The following ADAMTSL1 variants were observed in gnomAD, a reference collection of about 807,000 sequenced individuals.
ADAMTSL1 encodes the protein ADAMTS like 1.
ADAMTSL1 carries 126 observed loss-of-function variants against 201.8 expected under a neutral mutation model. The ratio of observed to expected loss-of-function variants is 0.62; its 90% confidence interval spans 0.54 to 0.72. The LOEUF is 0.72. Among genes scored for constraint, ADAMTSL1 ranks in the 30% least tolerant of loss-of-function variants. ADAMTSL1 has a pLI of 0.00. For missense variants in ADAMTSL1, 2,679 were observed against 2,277.8 expected, an observed-to-expected ratio of 1.18 and a Z score of -3.59; for synonymous variants, 1,121 against 903.4, an observed-to-expected ratio of 1.24 and a Z score of -4.32.
intron 2 of ADAMTSL1, among the ~76,000 whole-genome samples, chr9:18,231,261 C>T (rs1479132450): frequency 6.6e-6 from 1 of 152,144 alleles, no homozygotes; most frequent in Non-Finnish European, 1.5e-5. Flanking sequence ...ATTTCTGCTC[C>T]TCCCTATCTC....
intron 4 of ADAMTSL1, among the ~76,000 whole-genome samples, chr9:18,611,748 CA>C (rs1349847547): frequency 1.3e-5 from 2 of 152,126 alleles, no homozygotes; most frequent in African/African-American, 4.8e-5. Flanking sequence ...CATCTTAGCT[CA>C]AATAATAAAG....
chr9:18,523,325 T>C (rs1380258010), intron 2 of ADAMTSL1, among the ~76,000 whole-genome samples: 2 of 152,228 alleles, frequency 1.3e-5, no homozygotes, highest in Non-Finnish European at 2.9e-5. Flanking sequence ...GAATTCTTTT[T>C]AGATTGTGGA....
intron 5 of ADAMTSL1, among the ~76,000 whole-genome samples, chr9:18,633,842 A>T (rs1348990413): frequency 6.6e-6 from 1 of 152,112 alleles, no homozygotes; most frequent in African/African-American, 2.4e-5. Context: ...AATTGGGAGC[A>T]TATGATTCTT....
chr9:18,404,006 G>A (rs1411089411), intron 2 of ADAMTSL1, among the ~76,000 whole-genome samples: 1 of 151,916 alleles, frequency 6.6e-6, no homozygotes, highest in African/African-American at 2.4e-5. Flanking sequence ...TCAATAGAAA[G>A]GAATAATGAT....
At chr9:18,549,164 T>G (rs539377789) in intron 3 of ADAMTSL1, among the ~76,000 whole-genome samples, 1 of 151,798 alleles carries the variant, frequency 6.6e-6, no homozygotes, top group Admixed American at 6.6e-5. Flanking sequence ...ACCAGACATA[T>G]CATGGTCAAA....
At chr9:18,352,918 G>T (rs1325017015) in intron 2 of ADAMTSL1, among the ~76,000 whole-genome samples, 1 of 152,146 alleles carries the variant, frequency 6.6e-6, no homozygotes, top group Non-Finnish European at 1.5e-5. Context: ...ACATGTATTT[G>T]GTAGTCCATG....
chr9:18,487,430 C>T (rs1368538157), intron 1 of ADAMTSL1, among the ~76,000 whole-genome samples: 2 of 152,158 alleles, frequency 1.3e-5, no homozygotes, highest in Non-Finnish European at 2.9e-5. Flanking sequence ...TGTTTTAAAT[C>T]ACATGGTCCT....
At chr9:18,886,854 CATCATCTCCTGCCTTGCATCTG>C (rs1049459928) in intron 23 of ADAMTSL1, among the ~76,000 whole-genome samples, 1 of 152,228 alleles carries the variant, frequency 6.6e-6, no homozygotes, top group African/African-American at 2.4e-5. Flanking sequence ...TCTCGTATCT[CATCATCTCCTGCCTTGCATCTG>C]CAGTTTTATG....
intron 2 of ADAMTSL1, among the ~76,000 whole-genome samples, chr9:18,408,017 A>G (rs578114981): frequency 2.9e-4 from 44 of 152,372 alleles, no homozygotes; most frequent in Admixed American, 2.4e-3. Flanking sequence ...TACATAATTT[A>G]GAAAATTTTG....
chr9:18,441,560 C>T (rs1482566776), intron 2 of ADAMTSL1, among the ~76,000 whole-genome samples: 1 of 152,020 alleles, frequency 6.6e-6, no homozygotes, highest in Non-Finnish European at 1.5e-5. Context: ...TGGACTGCCA[C>T]GGGAAGGAAA....
intron 20 of ADAMTSL1, among the ~76,000 whole-genome samples, chr9:18,805,363 CTCTT>C (rs2131108150): frequency 6.6e-6 from 1 of 152,196 alleles, no homozygotes; most frequent in African/African-American, 2.4e-5. Context: ...ACCTGTCTTC[CTCTT>C]TCTTTTCTTT....
At chr9:18,375,975 T>C (rs1288560266) in intron 2 of ADAMTSL1, among the ~76,000 whole-genome samples, 2 of 152,250 alleles carry the variant, frequency 1.3e-5, no homozygotes, top group African/African-American at 2.4e-5. Flanking sequence ...AGAGTGCTGA[T>C]TGGTGCATTT....
At chr9:18,851,108 T>G (rs569305591) in intron 23 of ADAMTSL1, among the ~76,000 whole-genome samples, 2 of 152,248 alleles carry the variant, frequency 1.3e-5, no homozygotes, top group East Asian at 3.9e-4. Context: ...TGATCACCAT[T>G]GTGAGTGTAA....
chr9:18,852,264 A>C (rs1484690425), intron 23 of ADAMTSL1, among the ~76,000 whole-genome samples: 1 of 152,190 alleles, frequency 6.6e-6, no homozygotes, highest in Non-Finnish European at 1.5e-5. Flanking sequence ...TTGATTGTTA[A>C]AATGGAGGCA....
At chr9:18,828,617 T>C (rs1824746058) in intron 22 of ADAMTSL1, among the ~76,000 whole-genome samples, 1 of 136,510 alleles carries the variant, frequency 7.3e-6, no homozygotes. Context: ...AGGCATGATG[T>C]TTTTCTCTAT....
chr9:17,913,605 A>T (rs1183321433), intron 1 of ADAMTSL1, among the ~76,000 whole-genome samples: 1 of 152,200 alleles, frequency 6.6e-6, no homozygotes, highest in East Asian at 1.9e-4. Context: ...CATCACAATT[A>T]AAAGAACTAG....
chr9:18,451,377 T>A (rs113371779), intron 2 of ADAMTSL1, among the ~76,000 whole-genome samples: 1,580 of 152,302 alleles, frequency 0.01, 33 homozygotes, highest in African/African-American at 0.035. Context: ...GTCTACAATT[T>A]CCATACGATT....
chr9:18,845,432 A>C lies in ADAMTSL1; in HGVS notation c.4249+15455A>C, dbSNP rs531215527. On this transcript the variant is annotated intron_variant, in intron 23 of 28. Coordinates refer to ENST00000380548, the MANE Select transcript of ADAMTSL1 (RefSeq NM_001040272.6). ...GTGCTTCTCCCTGGTGGGAGGCTCAAGGGGGCACAGCCAACACACATGGTG... is the reference window on the plus strand; with the variant it reads ...GTGCTTCTCCCTGGTGGGAGGCTCACGGGGGCACAGCCAACACACATGGTG... Among the ~76,000 whole-genome samples the C allele has an allele frequency of 1.3e-3, 193 of 152,354 alleles. 3 individuals carry two copies. Among genetic ancestry groups the C allele is most frequent in the Middle Eastern group, 6.8e-3 (2 of 294 alleles).
intron 2 of ADAMTSL1, among the ~76,000 whole-genome samples, chr9:18,251,941 C>G (rs1220228595): frequency 2.0e-5 from 3 of 151,802 alleles, no homozygotes; most frequent in Non-Finnish European, 4.4e-5. Flanking sequence ...AAAAAGCAAG[C>G]TAAACACCAA....
Sources: gnomAD v4.1 joint callset for allele counts (sites outside exome capture counted in the v4.1 genomes callset) on GRCh38, gnomAD v4.1.1 for gene constraint, MANE v1.5 for transcripts, NCBI Gene and HGNC (gene_info 2026-07-23, HGNC 2026-07-21) for gene names.